MX1: variants seen among roughly 807,000 people sequenced by gnomAD.
MX1 encodes MX dynamin like GTPase 1.
In MX1, 66 loss-of-function variants were observed where a neutral mutation model predicts 66.4. The ratio of observed to expected loss-of-function variants is 0.99; its 90% CI spans 0.82 to 1.22. The LOEUF is 1.22. Among genes scored for constraint, MX1 ranks in the 50% most tolerant of loss-of-function variants. The pLI is 0.00. For missense variants in MX1, 787 were observed against 834.3 expected (o/e 0.94, Z 0.70); for synonymous variants, 311 against 318.1 (o/e 0.98, Z 0.24).
rs746037389 is a variant in MX1 at position 41,435,820 on chromosome 21, AT to A, written c.106-12del. Reference sequence around the variant, plus strand: ...ATTTGCAGGCCATGAAGAATTCTCCATTTTTGTTTCCTCCAGGTGGCTGAGA... The same window carrying A: ...ATTTGCAGGCCATGAAGAATTCTCCATTTTGTTTCCTCCAGGTGGCTGAGA... On this transcript the variant is annotated splice_polypyrimidine_tract_variant and intron_variant, in intron 5 of 16. Coordinates refer to ENST00000398598, the MANE Select transcript of MX1 (RefSeq NM_002462.5). The A allele has an allele frequency of 1.3e-5, 20 of 1,594,838 alleles. No individual in the cohort carries two copies. The East Asian group carries it at 3.2e-4, about 25-fold the overall frequency.
intron 13 of MX1, among the ~76,000 whole-genome samples, 195 bp from the exon 14 acceptor site, chr21:41,448,941 TG>T (rs2090746324): frequency 8.3e-5 from 3 of 36,030 alleles, no homozygotes; most frequent in Admixed American, 6.7e-4. Context: ...TGTGTGTGTG[TG>T]TGTGTGTGTG....
At chr21:41,444,368 C>T (rs1169843894) in intron 11 of MX1, among the ~76,000 whole-genome samples, 1 of 128,668 alleles carries the variant, frequency 7.8e-6, no homozygotes, top group Non-Finnish European at 1.6e-5. Context: ...ACTCTGTTGC[C>T]CAGGCTGGAG....
At chr21:41,446,575 T>TA (rs1189352071) in intron 13 of MX1, among the ~76,000 whole-genome samples, 1 of 152,102 alleles carries the variant, frequency 6.6e-6, no homozygotes, top group South Asian at 2.1e-4. Flanking sequence ...ACCTTATTGC[T>TA]AAAAAATTGC....
chr21:41,458,203 G>T (rs548420832), intron 16 of MX1, among the ~76,000 whole-genome samples: 1 of 152,170 alleles, frequency 6.6e-6, no homozygotes, highest in Non-Finnish European at 1.5e-5. Flanking sequence ...GACCAGGCTG[G>T]TCTGGAAATG....
At chr21:41,448,322 G>A (rs1327760911) in intron 13 of MX1, among the ~76,000 whole-genome samples, 4 of 152,174 alleles carry the variant, frequency 2.6e-5, no homozygotes, top group African/African-American at 9.7e-5. Context: ...TATCCCATTT[G>A]ACTTGTAAAC....
intron 11 of MX1, among the ~76,000 whole-genome samples, chr21:41,444,735 T>A (rs958386854): frequency 2.6e-5 from 4 of 152,166 alleles, no homozygotes; most frequent in Admixed American, 6.5e-5. Context: ...GGATTGATTT[T>A]TTGCCTCTGC....
chr21:41,424,604 G>A (rs1221036124), upstream of MX1, among the ~76,000 whole-genome samples: 1 of 152,162 alleles, frequency 6.6e-6, no homozygotes, highest in African/African-American at 2.4e-5. Context: ...GAGGTGGGGT[G>A]CCAACCGCTC....
chr21:41,456,855 G>A (rs1015870291), intron 16 of MX1, among the ~76,000 whole-genome samples: 1 of 152,092 alleles, frequency 6.6e-6, no homozygotes, highest in Non-Finnish European at 1.5e-5. Context: ...TCTGCATCCT[G>A]AGATCAAGCG....
At chr21:41,432,247 G>A in intron 5 of MX1, 72 bp downstream of exon 5, 3 of 1,366,998 alleles carry the variant, frequency 2.2e-6, no homozygotes, top group South Asian at 1.2e-5. Context: ...CTTTTCTACA[G>A]CGGTGCTACT....
chr21:41,458,702 G>GACA lies in MX1; in HGVS notation c.1934_1935insCAA (p.Glu645delinsAspLys). ...CAGCGACAAGCGGAAGTTCCTGAAG[G>GACA]AGCGGCTTGCACGGCTGACGCAGGC... is the stretch of plus-strand genomic sequence containing the variant. On this transcript the variant is annotated protein_altering_variant, in exon 17 of 17. Transcript: ENST00000398598. 6.2e-7 allele frequency: 1 copy of GACA among 1,614,120 alleles called. No individual in the cohort carries two copies. The highest frequency in any genetic ancestry group is 2.2e-5 in the East Asian group (1 of 44,880).
At chr21:41,424,891 A>G (rs901222259), upstream of MX1, among the ~76,000 whole-genome samples, 2 of 152,246 alleles carry the variant, frequency 1.3e-5, no homozygotes, top group African/African-American at 4.8e-5. Flanking sequence ...AAGGTAGGAT[A>G]CAGGTTTCAG....
rs933357801 is a variant in MX1 at position 41,453,105 on chromosome 21, C to T, written c.1758+236C>T. Among the ~76,000 whole-genome samples, 5 of 152,286 alleles carry T rather than the reference C, an allele frequency of 3.3e-5. No homozygotes were observed. The South Asian group carries it at 6.2e-4, about 19-fold the overall frequency. On this transcript the variant is annotated intron_variant, in intron 16 of 16. Coordinates refer to ENST00000398598, the MANE Select transcript of MX1 (RefSeq NM_002462.5). ...TACAGTTCCACATGGCTGGGGAGGCCTTCTACCATCACGGCAGAAGGCAAT... is the reference window on the plus strand; with the variant it reads ...TACAGTTCCACATGGCTGGGGAGGCTTTCTACCATCACGGCAGAAGGCAAT...
Position 41,435,919 on chromosome 21 carries a change from G to A in MX1, c.188G>A (p.Gly63Asp). The A allele has an allele frequency of 1.2e-6, 2 of 1,614,236 alleles. No homozygotes were observed. The highest frequency in any genetic ancestry group is 1.1e-5 in the South Asian group (1 of 91,086). ...IDLIDSLRAL[G>D]VEQDLALPAI... ...CTCATTGACTCCCTGCGGGCTCTAGGTGTGGAGCAGGACCTGGCCCTGCCA... is the reference window on the plus strand; with the variant it reads ...CTCATTGACTCCCTGCGGGCTCTAGATGTGGAGCAGGACCTGGCCCTGCCA... The change falls in exon 6 of 17, where the codon GGT (glycine) becomes GAT (aspartate). Residue 63 changes from glycine to aspartate, a missense_variant. Physicochemically the swap from Gly to Asp is moderately conservative, Grantham distance 94. Transcript: ENST00000398598.
chr21:41,439,972 T>A, intron 8 of MX1, 124 bp downstream of exon 8: 1 of 1,030,626 alleles, frequency 9.7e-7, no homozygotes, highest in Non-Finnish European at 1.4e-6. Flanking sequence ...TTGGAGTTAG[T>A]ATTTGGAGGT....
intron 10 of MX1, 112 bp downstream of exon 10, chr21:41,442,026 CGT>C (rs1219885536): frequency 7.4e-4 from 247 of 335,868 alleles, no homozygotes; most frequent in Middle Eastern, 1.3e-3. Flanking sequence ...TGTGTGTGTG[CGT>C]GTGTGTGTGT....
chr21:41,451,846 AAAAAACAAAC>A (rs1357500284), intron 15 of MX1, among the ~76,000 whole-genome samples: 1 of 145,760 alleles, frequency 6.9e-6, no homozygotes, highest in Non-Finnish European at 1.5e-5. Context: ...AAAAAAAAAA[AAAAAACAAAC>A]AAAAAAACTT....
Position 41,435,863 on chromosome 21 carries a change from G to C in MX1, c.132G>C (p.Gln44His). 6.2e-7 allele frequency: 1 copy of C among 1,612,602 alleles called. No individual in the cohort carries two copies. Among genetic ancestry groups the C allele is most frequent in the Non-Finnish European group, 8.5e-7 (1 of 1,178,702 alleles). ...GSVAENNLCS[Q>H]YEEKVRPCID... is the part of the protein sequence containing the mutation. ...TGGCTGAGAACAACCTGTGCAGCCAGTATGAGGAGAAGGTGCGCCCCTGCA... is the reference window on the plus strand; with the variant it reads ...TGGCTGAGAACAACCTGTGCAGCCACTATGAGGAGAAGGTGCGCCCCTGCA... The change falls in exon 6 of 17, where the codon CAG becomes CAC. Residue 44 changes from glutamine (Q) to histidine (H), a missense_variant. Transcript: ENST00000398598.
chr21:41,437,588 C>CCGTG (rs2090400105), intron 7 of MX1, among the ~76,000 whole-genome samples: 1 of 152,182 alleles, frequency 6.6e-6, no homozygotes, highest in Non-Finnish European at 1.5e-5. Flanking sequence ...CTGCAGTGAG[C>CCGTG]CGTGATCTTG....
rs36105889 is a variant in MX1, at chr21:41,454,908, CTTT to C, written c.1758+2053_1758+2055del. ...AGGATGAAGCTGAGATTCTGCCTTT[CTTT>C]TTTTTTTTTTTTTGAAACCGAGTCT... On this transcript the variant is annotated intron_variant, in intron 16 of 16. Coordinates refer to ENST00000398598, the MANE Select transcript of MX1 (RefSeq NM_002462.5). Among the ~76,000 whole-genome samples, 695 of 141,388 alleles carry C rather than the reference CTTT, an allele frequency of 4.9e-3. 4 individuals are homozygous for C. Among genetic ancestry groups the C allele is most frequent in the African/African-American group, 0.016 (614 of 38,646 alleles). The allele number at this position is 141,388 out of a possible 152,430, so 92.8% of individuals were successfully genotyped here.
Sources: gnomAD v4.1 joint callset for allele counts (sites outside exome capture counted in the v4.1 genomes callset) on GRCh38, gnomAD v4.1.1 for gene constraint, MANE v1.5 for transcripts, NCBI Gene and HGNC (gene_info 2026-07-23, HGNC 2026-07-21) for gene names.